The following NRP1 variants were observed in gnomAD, a reference collection of about 807,000 sequenced individuals.
NRP1 encodes neuropilin 1.
In NRP1, 35 loss-of-function variants were observed where a neutral mutation model predicts 106.7. The ratio of observed to expected loss-of-function variants is 0.33; its 90% CI spans 0.25 to 0.43. The LOEUF is 0.43. Ranked by LOEUF, NRP1 falls within the 20% of genes least tolerant of loss-of-function variation. NRP1 has a pLI of 1.00. For synonymous variants in NRP1, 437 were observed against 417.9 expected (o/e 1.05, Z -0.56); for missense variants, 1,024 against 1,170.4 (o/e 0.87, Z 1.83).
At chr10:33,242,270 A>G (rs150628102) in intron 6 of NRP1, among the ~76,000 whole-genome samples, 2,012 of 152,212 alleles carry the variant, frequency 0.013, 52 homozygotes, top group African/African-American at 0.046. Context: ...GTATTGTCTG[A>G]TTTTTCTTTA....
intron 8 of NRP1, 48 bp from the exon 9 acceptor site, chr10:33,213,765 C>G: frequency 7.3e-7 from 1 of 1,377,042 alleles, no homozygotes; most frequent in South Asian, 1.4e-5. Context: ...TCCTGGGCGA[C>G]TCCATGCTAA....
At chr10:33,180,440 G>A in intron 16 of NRP1, 75 bp from the exon 17 acceptor site, 1 of 1,424,748 alleles carries the variant, frequency 7.0e-7, no homozygotes, top group Non-Finnish European at 9.5e-7. Context: ...AAATAGAAAG[G>A]AACGAAACAG....
At position 33,185,526 on chromosome 10, in the gene NRP1, C is replaced by T. The variant is rs966458827; in HGVS notation, c.2431+102G>A. ...TCCTATGATGTGCCGAGAGGCCACA[C>T]CGAAATTCTAGGTAGAAATGAGCAA... is the stretch of plus-strand genomic sequence containing the variant. On this transcript the variant is annotated intron_variant, in intron 15 of 16. Transcript: ENST00000374867. 1.0e-5 allele frequency: 9 copies of T among 857,962 alleles called. No homozygotes were observed. The African/African-American group carries it at 1.2e-4, about 11-fold the overall frequency. 53.1% of individuals were successfully genotyped at this position (857,962 alleles called of 1,614,324 possible). A position where few individuals can be genotyped will look rare whatever the true frequency, so the allele number is the denominator to read the frequency against.
At chr10:33,232,740 T>G (rs1840255092) in intron 6 of NRP1, among the ~76,000 whole-genome samples, 1 of 150,454 alleles carries the variant, frequency 6.6e-6, no homozygotes, top group South Asian at 2.1e-4. Context: ...CCTCCCAGGT[T>G]CAAGCAATTC....
chr10:33,324,259 C>T (rs1847732933), intron 2 of NRP1, among the ~76,000 whole-genome samples: 1 of 152,146 alleles, frequency 6.6e-6, no homozygotes, highest in Admixed American at 6.5e-5. Flanking sequence ...AAGGATGCTG[C>T]AAGTGGTAGT....
At chr10:33,187,265 T>A (rs533846501) in intron 13 of NRP1, among the ~76,000 whole-genome samples, 1 of 152,378 alleles carries the variant, frequency 6.6e-6, no homozygotes, top group East Asian at 1.9e-4. Context: ...GTATTTTTAT[T>A]TATCATTTGA....
intron 2 of NRP1, among the ~76,000 whole-genome samples, chr10:33,292,719 G>A (rs1056239809): frequency 3.3e-5 from 5 of 152,186 alleles, no homozygotes; most frequent in Non-Finnish European, 1.5e-5. Flanking sequence ...CAACGACGGT[G>A]GCTCATGCCT....
chr10:33,256,098 G>T (rs1842178515), intron 5 of NRP1, among the ~76,000 whole-genome samples: 1 of 152,030 alleles, frequency 6.6e-6, no homozygotes, highest in East Asian at 1.9e-4. Context: ...AATTTCAGAG[G>T]CTCCCAAGCA....
intron 12 of NRP1, 112 bp downstream of exon 12, chr10:33,197,538 C>T: frequency 1.5e-6 from 1 of 677,864 alleles, no homozygotes; most frequent in South Asian, 2.7e-5. Context: ...AGACCAGATG[C>T]TGTGTGGCAT....
At chr10:33,278,362 T>C (rs1196972292) in intron 2 of NRP1, among the ~76,000 whole-genome samples, 1 of 152,044 alleles carries the variant, frequency 6.6e-6, no homozygotes, top group Non-Finnish European at 1.5e-5. Context: ...TCAGGGATTA[T>C]CTCCTGGACT....
At chr10:33,271,160 A>G (rs980558339) in intron 2 of NRP1, among the ~76,000 whole-genome samples, 1 of 152,244 alleles carries the variant, frequency 6.6e-6, no homozygotes, top group African/African-American at 2.4e-5. Flanking sequence ...TCTCATGAGC[A>G]CAATCCTCTA....
intron 2 of NRP1, among the ~76,000 whole-genome samples, chr10:33,318,771 T>C (rs1047050214): frequency 1.8e-4 from 26 of 144,864 alleles, no homozygotes; most frequent in African/African-American, 6.0e-4. Flanking sequence ...GTGGTTTTGG[T>C]GGCCAAAACC....
At chr10:33,320,026 T>G (rs1847372228) in intron 2 of NRP1, among the ~76,000 whole-genome samples, 1 of 146,088 alleles carries the variant, frequency 6.8e-6, no homozygotes. Context: ...AAAAGCCTGC[T>G]CCGGGGCCGG....
chr10:33,226,358 T>A (rs1839672408), intron 6 of NRP1, 69 bp from the exon 7 acceptor site: 1 of 1,557,840 alleles, frequency 6.4e-7, no homozygotes, highest in South Asian at 1.2e-5. Flanking sequence ...CATCTTTTCC[T>A]GTGGGCTCCA....
intron 13 of NRP1, among the ~76,000 whole-genome samples, chr10:33,188,165 C>T (rs1013151542): frequency 3.3e-5 from 5 of 152,042 alleles, no homozygotes; most frequent in Non-Finnish European, 7.4e-5. Context: ...GAAAAAAATA[C>T]ACCCATCGTG....
At chr10:33,310,424 C>T (rs1306134931) in intron 2 of NRP1, among the ~76,000 whole-genome samples, 3 of 150,938 alleles carry the variant, frequency 2.0e-5, no homozygotes, top group African/African-American at 7.3e-5. Context: ...CTAATTTTTG[C>T]ATTTTTAGTA....
At chr10:33,243,427 T>C (rs957077964) in intron 6 of NRP1, among the ~76,000 whole-genome samples, 1 of 152,210 alleles carries the variant, frequency 6.6e-6, no homozygotes. Context: ...AGCACCTGTC[T>C]GGTCCGATCA....
At chr10:33,245,652 T>C (rs1455904673) in intron 6 of NRP1, among the ~76,000 whole-genome samples, 1 of 152,196 alleles carries the variant, frequency 6.6e-6, no homozygotes, top group East Asian at 1.9e-4. Context: ...GCAGGGATGC[T>C]AAGATTCTAG....
intron 12 of NRP1, among the ~76,000 whole-genome samples, chr10:33,193,905 G>T (rs2132638993): frequency 6.6e-6 from 1 of 152,162 alleles, no homozygotes; most frequent in East Asian, 1.9e-4. Context: ...GAGCAGTTTG[G>T]ATTCTCCCAA....
Sources: allele counts gnomAD v4.1 joint callset (sites outside exome capture counted in the v4.1 genomes callset), GRCh38; gene constraint gnomAD v4.1.1; transcripts MANE v1.5; gene names NCBI Gene and HGNC (gene_info 2026-07-23, HGNC 2026-07-21).